The following CUX1 variants were observed in gnomAD, a reference collection of about 807,000 sequenced individuals.
CUX1 encodes protein CASP.
Under a neutral mutation model 158.8 loss-of-function variants are expected in CUX1, and 31 were observed. The ratio of observed to expected loss-of-function variants is 0.20; its 90% CI spans 0.15 to 0.26. The LOEUF is 0.26. CUX1 is among the 10% of genes least tolerant of loss of function. The probability of loss-of-function intolerance (pLI) is 1.00; values close to 1 mark genes in which losing one functional copy is unlikely to be tolerated. For synonymous variants in CUX1, 879 were observed against 862.1 expected, an observed-to-expected ratio of 1.02 and a Z score of -0.34; for missense variants, 1,589 against 2,014.6, an observed-to-expected ratio of 0.79 and a Z score of 4.04.
intron 3 of CUX1, among the ~76,000 whole-genome samples, chr7:102,048,246 C>A (rs553883568): frequency 1.3e-5 from 2 of 152,256 alleles, no homozygotes; most frequent in East Asian, 3.9e-4. Flanking sequence ...GTCCTGAAAT[C>A]TTTGGCTCCC....
chr7:101,929,707 T>C (rs1216272772), intron 2 of CUX1, among the ~76,000 whole-genome samples: 1 of 152,168 alleles, frequency 6.6e-6, no homozygotes, highest in Non-Finnish European at 1.5e-5. Context: ...CCCTGGGAGC[T>C]AAGTATCATC....
chr7:101,883,079 A>G (rs891003230), intron 1 of CUX1, among the ~76,000 whole-genome samples: 2 of 152,116 alleles, frequency 1.3e-5, no homozygotes, highest in African/African-American at 4.8e-5. Context: ...TTCAAACGCT[A>G]ACACTCTTGG....
exon 17 of CUX1, chr7:102,275,276 C>T: frequency 6.2e-7 from 1 of 1,610,976 alleles, no homozygotes; most frequent in Non-Finnish European, 8.5e-7. Context: ...CGGTGCCCTC[C>T]CAGAGGGCCA....
chr7:102,248,764 C>T lies in CUX1; in HGVS notation c.4240C>T (p.Pro1414Ser), dbSNP rs1343213653. Reference sequence around the variant, plus strand: ...CGCCTCCGCGACCGCCACCGCCGCGCCCGCGGCCCCCGAGGACGCCGCTAC... The same window carrying T: ...CGCCTCCGCGACCGCCACCGCCGCGTCCGCGGCCCCCGAGGACGCCGCTAC... Reference protein sequence around the residue: ...SPASATATAAPAAPEDAATSA... With the variant: ...SPASATATAASAAPEDAATSA... Residue 1414 changes from proline to serine, a missense_variant, in exon 24 of 24, where the codon CCC (proline) becomes TCC (serine). Physicochemically the swap from Pro to Ser is moderately conservative, Grantham distance 74 (BLOSUM62 -1). This residue lies in a region of CUX1 where 344 missense variants were observed against 323.7 expected (regional missense o/e 1.06). Coordinates refer to ENST00000292535, the MANE Select transcript of CUX1 (RefSeq NM_181552.4). The surrounding 1 kb of genome is among the most constrained non-coding windows in gnomAD (Gnocchi z 5.8). The T allele has an allele frequency of 1.9e-6, 2 of 1,034,652 alleles. No individual in the cohort carries two copies. The highest frequency in any genetic ancestry group is 7.7e-5 in the East Asian group (1 of 13,034). 64.1% of individuals were successfully genotyped at this position (1,034,652 alleles called of 1,614,324 possible).
chr7:101,848,051 CAAAAAAA>C lies in CUX1; in HGVS notation c.30+30400_30+30406del, dbSNP rs57428019. 2.3e-3 allele frequency among the ~76,000 whole-genome samples: 153 copies of C among 65,380 alleles called. 1 individual carries two copies. The highest frequency in any genetic ancestry group is 7.4e-3 in the Admixed American group (36 of 4,850). The allele number at this position is 65,380 out of a possible 152,430, so 42.9% of individuals were successfully genotyped here. A position where few individuals can be genotyped will look rare whatever the true frequency, so the allele number is the denominator to read the frequency against. ...CCAGCCTGGGCAACAGAGCAAGACT[CAAAAAAA>C]AAAAAAAAAAAAAAAAAGAAAAGAA... On this transcript the variant is annotated intron_variant, in intron 1 of 23. Coordinates refer to ENST00000292535, the MANE Select transcript of CUX1 (RefSeq NM_181552.4).
chr7:101,836,684 C>CACAA (rs1794669619), intron 1 of CUX1, among the ~76,000 whole-genome samples: 1 of 77,806 alleles, frequency 1.3e-5, no homozygotes. Flanking sequence ...GACTCCTTCT[C>CACAA]AAAAAAAAAA....
In CUX1 at chr7:102,168,938, C is replaced by A. The variant is rs4729775; in HGVS notation, c.724-1508C>A. Among the ~76,000 whole-genome samples, 5 of 52,684 alleles carry A rather than the reference C, an allele frequency of 9.5e-5. No homozygotes were observed. In the East Asian group the frequency reaches 1.3e-3, roughly 13 times the overall value. 34.6% of individuals were successfully genotyped at this position (52,684 alleles called of 152,430 possible). A position where few individuals can be genotyped will look rare whatever the true frequency, so the allele number is the denominator to read the frequency against. On this transcript the variant is annotated intron_variant, in intron 9 of 23. Transcript: ENST00000292535. Reference sequence around the variant, plus strand: ...ATTTTCTTTTCTTTTCTTTTATTTTCTTTTTTTTTTTGAGATGTGGTTTTG... The same window carrying A: ...ATTTTCTTTTCTTTTCTTTTATTTTATTTTTTTTTTTGAGATGTGGTTTTG...
chr7:102,201,226 C>T lies in CUX1; in HGVS notation c.2063-134C>T. On this transcript the variant is annotated intron_variant, in intron 17 of 23. Coordinates refer to ENST00000292535, the MANE Select transcript of CUX1 (RefSeq NM_181552.4). The surrounding 1 kb of genome is among the most constrained non-coding windows in gnomAD (Gnocchi z 5.0). ...TGCCTGAATGTTTCACTGACAGGGG[C>T]CATGCTGGGGAAATACACAGTGTGG... is the stretch of plus-strand genomic sequence containing the variant. The T allele has an allele frequency of 1.4e-5, 18 of 1,303,098 alleles. No individual in the cohort carries two copies. Among genetic ancestry groups the T allele is most frequent in the Non-Finnish European group, 1.7e-5 (16 of 949,082 alleles). 80.7% of individuals were successfully genotyped at this position (1,303,098 alleles called of 1,614,324 possible). A position where few individuals can be genotyped will look rare whatever the true frequency, so the allele number is the denominator to read the frequency against.
intron 2 of CUX1, among the ~76,000 whole-genome samples, chr7:102,009,338 G>C (rs1817732148): frequency 6.6e-6 from 1 of 152,200 alleles, no homozygotes; most frequent in Non-Finnish European, 1.5e-5. Context: ...GATGTGGCCA[G>C]GTGACACCCC....
At chr7:102,010,987 C>G (rs1347888634) in intron 2 of CUX1, among the ~76,000 whole-genome samples, 1 of 151,994 alleles carries the variant, frequency 6.6e-6, no homozygotes, top group South Asian at 2.1e-4. Context: ...GTGGCACATG[C>G]CTGTAATCCC....
chr7:102,152,571 T>A (rs1209045249), intron 8 of CUX1, among the ~76,000 whole-genome samples: 1 of 152,168 alleles, frequency 6.6e-6, no homozygotes, highest in African/African-American at 2.4e-5. Context: ...TTTGTACTTT[T>A]AGTAGAAACG....
intron 11 of CUX1, among the ~76,000 whole-genome samples, chr7:102,180,064 C>T (rs1211051905): frequency 6.6e-6 from 1 of 152,162 alleles, no homozygotes; most frequent in Admixed American, 6.6e-5. Flanking sequence ...GCTTTTGTCG[C>T]CGAGACTGGA....
chr7:102,018,673 G>C lies in CUX1; in HGVS notation c.142-9425G>C, dbSNP rs963480710. Among the ~76,000 whole-genome samples the C allele has an allele frequency of 1.6e-4, 24 of 152,326 alleles. No individual in the cohort carries two copies. The East Asian group carries it at 4.0e-3, about 26-fold the overall frequency. On this transcript the variant is annotated intron_variant, in intron 2 of 23. Coordinates refer to ENST00000292535, the MANE Select transcript of CUX1 (RefSeq NM_181552.4). Reference sequence around the variant, plus strand: ...GTTCTCAGCTCTGAGACCAGAAGAAGCCTTAGTGCAACCATTTCTCAAAGT... The same window carrying C: ...GTTCTCAGCTCTGAGACCAGAAGAACCCTTAGTGCAACCATTTCTCAAAGT...
intron 2 of CUX1, among the ~76,000 whole-genome samples, chr7:101,989,092 C>T (rs1173118718): frequency 2.0e-5 from 3 of 152,142 alleles, no homozygotes; most frequent in African/African-American, 4.8e-5. Context: ...GATTCTGCTC[C>T]TCCTCCAAGG....
chr7:101,984,152 G>A (rs1332830499), intron 2 of CUX1, among the ~76,000 whole-genome samples: 3 of 121,242 alleles, frequency 2.5e-5, no homozygotes, highest in East Asian at 2.3e-4. Context: ...ATATATATGT[G>A]TGTGTGTGTG....
intron 6 of CUX1, among the ~76,000 whole-genome samples, chr7:102,109,742 C>T (rs1223575586): frequency 1.3e-5 from 2 of 151,286 alleles, no homozygotes; most frequent in African/African-American, 2.4e-5. Context: ...GAGATCATGC[C>T]ATTGCTCTCC....
At chr7:102,100,957 TC>T (rs1260207871) in intron 5 of CUX1, among the ~76,000 whole-genome samples, 1 of 152,036 alleles carries the variant, frequency 6.6e-6, no homozygotes, top group East Asian at 1.9e-4. Context: ...CTTCTGAGGG[TC>T]CTCAGGAAGC....
rs138340390 is a variant in CUX1, at chr7:102,216,619, C to CCACACACACACACCCCCCA, written c.3131-10737_3131-10736insACCCCCCACACACACACAC. On this transcript the variant is annotated intron_variant, in intron 20 of 23. Transcript: ENST00000292535. ...ACTCCCACACACACACACACACTCC[C>CCACACACACACACCCCCCA]CACACACACACCCCCACACACGCAC... 8.1e-5 allele frequency among the ~76,000 whole-genome samples: 6 copies of CCACACACACACACCCCCCA among 73,984 alleles called. No homozygotes were observed. In the East Asian group the frequency reaches 1.8e-3, roughly 22 times the overall value. 48.5% of individuals were successfully genotyped at this position (73,984 alleles called of 152,430 possible). A position where few individuals can be genotyped will look rare whatever the true frequency, so the allele number is the denominator to read the frequency against.
intron 9 of CUX1, among the ~76,000 whole-genome samples, chr7:102,163,804 G>A (rs1218219848): frequency 6.6e-6 from 1 of 152,146 alleles, no homozygotes; most frequent in Non-Finnish European, 1.5e-5. Flanking sequence ...TTCCCATCAG[G>A]AAACCCCCCA....
Sources: gnomAD v4.1 joint callset for allele counts (sites outside exome capture counted in the v4.1 genomes callset) on GRCh38, gnomAD v4.1.1 for gene constraint, gnomAD v4.1.1 regional missense constraint, Gnocchi (gnomAD v3.1) non-coding constraint, MANE v1.5 for transcripts, NCBI Gene and HGNC (gene_info 2026-07-23, HGNC 2026-07-21) for gene names.